The following PECAM1 variants were observed in gnomAD, a reference collection of about 807,000 sequenced individuals.
PECAM1 encodes platelet endothelial cell adhesion molecule.
Under a neutral mutation model 13.8 loss-of-function variants are expected in PECAM1, and 8 were observed. The ratio of observed to expected loss-of-function variants is 0.58; its 90% CI spans 0.34 to 1.05. The LOEUF (loss-of-function observed/expected upper bound fraction) is 1.05. PECAM1 is among the 50% of genes least tolerant of loss of function. The probability of loss-of-function intolerance (pLI) is 0.03; values close to 1 mark genes in which losing one functional copy is unlikely to be tolerated. For missense variants in PECAM1, 304 were observed against 141.2 expected, an observed-to-expected ratio of 2.15 and a Z score of -5.84; for synonymous variants, 136 against 52.6, an observed-to-expected ratio of 2.58 and a Z score of -6.86.
chr17:64,378,810 G>A (rs2036419867), intron 2 of PECAM1: 1 of 152,252 alleles, frequency 6.6e-6, no homozygotes, highest in African/African-American at 2.4e-5. Context: ...GTAGGATGGA[G>A]TAATCATATC....
chr17:64,331,452 CTGGGATTACAGGCA>C (rs2035116017), intron 14 of PECAM1, among the ~76,000 whole-genome samples: 2 of 152,202 alleles, frequency 1.3e-5, no homozygotes, highest in Admixed American at 1.3e-4. Context: ...TCCCAAAGTG[CTGGGATTACAGGCA>C]TGAGCCACTG....
chr17:64,348,746 A>G (rs2035643380), intron 12 of PECAM1, among the ~76,000 whole-genome samples: 1 of 152,058 alleles, frequency 6.6e-6, no homozygotes, highest in African/African-American at 2.4e-5. Flanking sequence ...CTAGATTTTC[A>G]TTCAGGTTAT....
intron 2 of PECAM1, among the ~76,000 whole-genome samples, chr17:64,386,055 C>T (rs201910495): frequency 1.3e-5 from 2 of 152,058 alleles, no homozygotes; most frequent in East Asian, 1.9e-4. Flanking sequence ...CTGAGCTAGG[C>T]GGGTGCAGTG....
intron 12 of PECAM1, among the ~76,000 whole-genome samples, chr17:64,348,570 G>A: frequency 6.6e-6 from 1 of 151,942 alleles, no homozygotes. Flanking sequence ...ACCATGCCCA[G>A]CTAATTTTTG....
At chr17:64,330,019 G>T (rs1169320721) in intron 14 of PECAM1, among the ~76,000 whole-genome samples, 1 of 151,854 alleles carries the variant, frequency 6.6e-6, no homozygotes, top group Admixed American at 6.6e-5. Context: ...GAGTGTGGTG[G>T]CGCCATCTTG....
chr17:64,377,164 C>T (rs2036378253), intron 3 of PECAM1, among the ~76,000 whole-genome samples: 1 of 152,094 alleles, frequency 6.6e-6, no homozygotes, highest in South Asian at 2.1e-4. Flanking sequence ...GATTGAAACC[C>T]AGGCAGAGTG....
intron 2 of PECAM1, among the ~76,000 whole-genome samples, chr17:64,381,133 T>A (rs1201851307): frequency 6.6e-6 from 1 of 152,218 alleles, no homozygotes; most frequent in Non-Finnish European, 1.5e-5. Flanking sequence ...GATGTTGGTC[T>A]GGGATGTTGA....
At chr17:64,334,540 ACT>A (rs1246691300) in intron 14 of PECAM1, among the ~76,000 whole-genome samples, 4 of 150,888 alleles carry the variant, frequency 2.7e-5, no homozygotes, top group Admixed American at 2.6e-4. Flanking sequence ...ATGGAGTCTC[ACT>A]CTGTCGCCCA....
chr17:64,389,545 T>TA (rs2036670908), intron 2 of PECAM1, among the ~76,000 whole-genome samples: 1 of 151,966 alleles, frequency 6.6e-6, no homozygotes, highest in Non-Finnish European at 1.5e-5. Context: ...CATTTAGGAG[T>TA]AAAAAAAGTA....
intron 6 of PECAM1, among the ~76,000 whole-genome samples, chr17:64,361,520 G>A (rs900166642): frequency 2.6e-5 from 4 of 151,848 alleles, no homozygotes; most frequent in Admixed American, 6.6e-5. Flanking sequence ...TTGGGAGGCC[G>A]AGGTGGGCAG....
intron 14 of PECAM1, among the ~76,000 whole-genome samples, chr17:64,336,887 GGA>G (rs2035292538): frequency 2.3e-5 from 1 of 44,056 alleles, no homozygotes; most frequent in Non-Finnish European, 6.6e-5. Flanking sequence ...AAAGAAAGAA[GGA>G]AGGAAGGAGA....
chr17:64,337,434 T>C (rs1328922719), intron 14 of PECAM1, among the ~76,000 whole-genome samples: 2 of 152,238 alleles, frequency 1.3e-5, no homozygotes, highest in African/African-American at 2.4e-5. Context: ...GTGCTCACTC[T>C]GTGGCAGGGA....
chr17:64,368,931 C>CTTTTTTTTTTTTT (rs1176037024), intron 5 of PECAM1, among the ~76,000 whole-genome samples: 3 of 75,074 alleles, frequency 4.0e-5, no homozygotes, highest in African/African-American at 1.9e-4. Flanking sequence ...ATTGTCATTT[C>CTTTTTTTTTTTTT]TTTTTTTTTT....
intron 4 of PECAM1, among the ~76,000 whole-genome samples, chr17:64,374,601 T>G (rs1173465436): frequency 1.3e-5 from 2 of 151,950 alleles, no homozygotes; most frequent in Non-Finnish European, 2.9e-5. Flanking sequence ...CTGGCCAACA[T>G]GACGAAACCC....
At position 64,383,228 on chromosome 17, in the gene PECAM1, T is replaced by G. The variant is rs929426439; in HGVS notation, c.92-5111A>C. 3.1e-3 allele frequency among the ~76,000 whole-genome samples: 479 copies of G among 152,166 alleles called. 2 individuals are homozygous for G. Among genetic ancestry groups the G allele is most frequent in the African/African-American group, 0.011 (459 of 41,502 alleles). On this transcript the variant is annotated intron_variant, in intron 2 of 15. Transcript: ENST00000563924. ...CCCTAGACCAGCAGACAGTGCTGGGTACAGAAGGGAGTCAGACATACCAGA... is the reference window on the plus strand; with the variant it reads ...CCCTAGACCAGCAGACAGTGCTGGGGACAGAAGGGAGTCAGACATACCAGA...
Position 64,321,703 on chromosome 17 carries a change from G to T in PECAM1, c.*2113C>A. 1 of 905,574 alleles carries T rather than the reference G, an allele frequency of 1.1e-6. No individual in the cohort carries two copies. The highest frequency in any genetic ancestry group is 1.5e-6 in the Non-Finnish European group (1 of 687,702). 56.1% of individuals were successfully genotyped at this position (905,574 alleles called of 1,614,324 possible). On this transcript the variant is annotated 3_prime_UTR_variant, in exon 16 of 16. Transcript: ENST00000563924. ...TTGAGCCCAGGGGTTCGAGGCTGCGGTGAGCCATTGTTGTGCCACTGCACT... is the reference window on the plus strand; with the variant it reads ...TTGAGCCCAGGGGTTCGAGGCTGCGTTGAGCCATTGTTGTGCCACTGCACT...
intron 15 of PECAM1, among the ~76,000 whole-genome samples, chr17:64,327,239 C>G (rs1448696108): frequency 6.6e-6 from 1 of 152,166 alleles, no homozygotes; most frequent in Non-Finnish European, 1.5e-5. Flanking sequence ...CCTACTATTG[C>G]CCAAGTGATG....
intron 11 of PECAM1, among the ~76,000 whole-genome samples, chr17:64,351,759 A>G (rs1312967595): frequency 2.0e-5 from 3 of 152,152 alleles, no homozygotes; most frequent in Admixed American, 6.6e-5. Flanking sequence ...GGTCTGGGAC[A>G]GGACTTTTTG....
At chr17:64,355,192 G>T (rs1057147574) in intron 8 of PECAM1, among the ~76,000 whole-genome samples, 152 bp from the exon 9 acceptor site, 1 of 152,184 alleles carries the variant, frequency 6.6e-6, no homozygotes, top group African/African-American at 2.4e-5. Flanking sequence ...ACCTCTGAGG[G>T]GTTCTGCACT....
Sources: gnomAD v4.1 joint callset for allele counts (sites outside exome capture counted in the v4.1 genomes callset) on GRCh38, gnomAD v4.1.1 for gene constraint, MANE v1.5 for transcripts, NCBI Gene and HGNC (gene_info 2026-07-23, HGNC 2026-07-21) for gene names.